Variants in ZBTB7C observed in about 807,000 individuals in gnomAD.
ZBTB7C encodes zinc finger and BTB domain-containing protein 7C.
Under a neutral mutation model 25.7 loss-of-function variants are expected in ZBTB7C, and 8 were observed. The observed-to-expected ratio is 0.31, with a 90% confidence interval of 0.18 to 0.56. The LOEUF (loss-of-function observed/expected upper bound fraction) is 0.56, where lower values mean the gene tolerates loss of function less well. Among genes scored for constraint, ZBTB7C ranks in the 20% least tolerant of loss-of-function variants. ZBTB7C has a pLI of 0.91. For synonymous variants in ZBTB7C, 394 were observed against 369.0 expected (o/e 1.07, Z -0.78); for missense variants, 824 against 855.2 (o/e 0.96, Z 0.46).
intron 2 of ZBTB7C, among the ~76,000 whole-genome samples, chr18:48,281,530 A>T (rs1334036640): frequency 6.6e-6 from 1 of 152,182 alleles, no homozygotes; most frequent in Non-Finnish European, 1.5e-5. Context: ...GGCAACCTAC[A>T]AAATGGGAGA....
chr18:48,051,008 TGTAA>T (rs549878947), intron 3 of ZBTB7C, among the ~76,000 whole-genome samples: 2 of 141,270 alleles, frequency 1.4e-5, no homozygotes, highest in Non-Finnish European at 3.0e-5. Context: ...CACAGAACTG[TGTAA>T]GTGACAGAGG....
chr18:48,214,973 T>C (rs1449158523), intron 2 of ZBTB7C, among the ~76,000 whole-genome samples: 3 of 152,248 alleles, frequency 2.0e-5, no homozygotes, highest in African/African-American at 7.2e-5. Flanking sequence ...CTGGATCATA[T>C]GGTCTCCAAC....
chr18:48,404,554 C>T (rs2048235855), intron 1 of ZBTB7C, among the ~76,000 whole-genome samples: 1 of 152,132 alleles, frequency 6.6e-6, no homozygotes, highest in Non-Finnish European at 1.5e-5. Flanking sequence ...CCATAACAGC[C>T]TATAGAGGAC....
At chr18:48,338,821 T>C (rs2046519646) in intron 1 of ZBTB7C, among the ~76,000 whole-genome samples, 1 of 150,930 alleles carries the variant, frequency 6.6e-6, no homozygotes, top group African/African-American at 2.4e-5. Context: ...GAGATGTATA[T>C]AGAAGTGCAA....
chr18:48,158,558 C>G (rs944991294), intron 3 of ZBTB7C, among the ~76,000 whole-genome samples: 3 of 152,022 alleles, frequency 2.0e-5, no homozygotes, highest in Non-Finnish European at 4.4e-5. Flanking sequence ...CTTTTTGGCT[C>G]TCATCTGTGA....
chr18:48,222,804 C>G (rs2042994391), intron 2 of ZBTB7C, among the ~76,000 whole-genome samples: 1 of 152,138 alleles, frequency 6.6e-6, no homozygotes, highest in Admixed American at 6.5e-5. Context: ...GCTTTCTCAT[C>G]ACTCCACCAG....
chr18:48,308,325 G>A lies in ZBTB7C; in HGVS notation c.-79+29849C>T, dbSNP rs79402802. ...TTAGCTCTGCCCTTCCCCAGCTATT[G>A]TTCCTCAAAGGGCGATTCTACTGGC... On this transcript the variant is annotated intron_variant, in intron 2 of 4. Transcript: ENST00000590800. Among the ~76,000 whole-genome samples, 333 of 152,298 alleles carry A rather than the reference G, an allele frequency of 2.2e-3. 5 individuals carry two copies. The East Asian group carries it at 0.032, about 15-fold the overall frequency.
intron 1 of ZBTB7C, among the ~76,000 whole-genome samples, chr18:48,408,974 C>T (rs1401482137): frequency 6.7e-6 from 1 of 149,754 alleles, no homozygotes. Flanking sequence ...CCGCACGGAG[C>T]CCCTGAATAG....
intron 3 of ZBTB7C, among the ~76,000 whole-genome samples, chr18:48,097,292 A>C (rs1214653300): frequency 6.6e-6 from 1 of 152,182 alleles, no homozygotes; most frequent in African/African-American, 2.4e-5. Context: ...TTGTCTGTAG[A>C]TAGGAAGTGG....
chr18:48,306,777 G>T (rs150207710), intron 2 of ZBTB7C, among the ~76,000 whole-genome samples: 1 of 152,144 alleles, frequency 6.6e-6, no homozygotes, highest in Non-Finnish European at 1.5e-5. Context: ...TACCTTTTAC[G>T]TGGTGCTGAC....
At chr18:48,145,340 T>C (rs1008977602) in intron 3 of ZBTB7C, among the ~76,000 whole-genome samples, 1 of 152,118 alleles carries the variant, frequency 6.6e-6, no homozygotes, top group African/African-American at 2.4e-5. Context: ...TCCCTTCAGC[T>C]CCCTGGACCC....
chr18:48,224,043 C>T (rs17822296), intron 2 of ZBTB7C, among the ~76,000 whole-genome samples: 3,962 of 152,206 alleles, frequency 0.026, 82 homozygotes, highest in Non-Finnish European at 0.038. Context: ...AAAAGACTGA[C>T]GGAAGTCCCA....
chr18:48,338,033 C>A (rs2144951202), intron 2 of ZBTB7C, 141 bp downstream of exon 2: 1 of 152,350 alleles, frequency 6.6e-6, no homozygotes, highest in East Asian at 1.9e-4. Flanking sequence ...AAGCATCCAT[C>A]TATCATCTTA....
intron 1 of ZBTB7C, among the ~76,000 whole-genome samples, chr18:48,343,698 G>A (rs1187659009): frequency 1.3e-5 from 2 of 152,100 alleles, no homozygotes; most frequent in African/African-American, 2.4e-5. Context: ...TGCTGCCCAC[G>A]CCCACACTCC....
intron 3 of ZBTB7C, among the ~76,000 whole-genome samples, chr18:48,057,912 A>C (rs1353189602): frequency 6.6e-6 from 1 of 152,210 alleles, no homozygotes; most frequent in East Asian, 1.9e-4. Flanking sequence ...GAGGTGGCCC[A>C]TGTTCTGCCC....
chr18:48,334,596 T>A (rs2046418678), intron 2 of ZBTB7C, among the ~76,000 whole-genome samples: 1 of 152,190 alleles, frequency 6.6e-6, no homozygotes, highest in Non-Finnish European at 1.5e-5. Flanking sequence ...ATTTAACTCA[T>A]TCTTCAGATG....
chr18:48,032,984 TG>T (rs1264341969), intron 4 of ZBTB7C, among the ~76,000 whole-genome samples: 2 of 152,164 alleles, frequency 1.3e-5, no homozygotes, highest in Non-Finnish European at 2.9e-5. Flanking sequence ...TCATTGACCC[TG>T]GGAATTCATT....
At chr18:48,074,014 CT>C (rs575904548) in intron 3 of ZBTB7C, among the ~76,000 whole-genome samples, 21,692 of 138,528 alleles carry the variant, frequency 0.16, 1,689 homozygotes, top group Middle Eastern at 0.21. Context: ...AGAAAAATTT[CT>C]TTTTTTTTTT....
chr18:48,392,623 A>T (rs1286199610), intron 1 of ZBTB7C, among the ~76,000 whole-genome samples: 1 of 152,226 alleles, frequency 6.6e-6, no homozygotes, highest in Non-Finnish European at 1.5e-5. Context: ...CTCTTCTAGC[A>T]GTTTTTCCAG....
Sources: gnomAD v4.1 joint callset for allele counts (sites outside exome capture counted in the v4.1 genomes callset) on GRCh38, gnomAD v4.1.1 for gene constraint, MANE v1.5 for transcripts, NCBI Gene and HGNC (gene_info 2026-07-23, HGNC 2026-07-21) for gene names.